EDNRB: variants seen among roughly 807,000 people sequenced by gnomAD.
EDNRB encodes Hirschsprung disease 2.
Under a neutral mutation model 46.4 loss-of-function variants are expected in EDNRB, and 18 were observed. The observed-to-expected ratio is 0.39, with a 90% CI of 0.27 to 0.57. EDNRB has a LOEUF of 0.57. EDNRB is among the 20% of genes least tolerant of loss of function. EDNRB has a pLI of 0.61. For missense variants in EDNRB, 434 were observed against 537.5 expected (o/e 0.81, Z 1.90); for synonymous variants, 213 against 204.9 (o/e 1.04, Z -0.34).
chr13:77,919,475 G>T, upstream of EDNRB: 1 of 1,612,856 alleles, frequency 6.2e-7, no homozygotes, highest in South Asian at 1.1e-5. Context: ...CTGGGTTCCA[G>T]CCTGCTCTGG....
intron 1 of EDNRB, among the ~76,000 whole-genome samples, chr13:77,946,569 G>A (rs750284655): frequency 2.9e-4 from 44 of 150,862 alleles, no homozygotes; most frequent in Non-Finnish European, 5.9e-4. Context: ...TATTATAAGA[G>A]AAAAAAAAAC....
At chr13:77,904,709 A>T (rs1566308400) in intron 1 of EDNRB, among the ~76,000 whole-genome samples, 1 of 151,956 alleles carries the variant, frequency 6.6e-6, no homozygotes, top group Admixed American at 6.6e-5. Context: ...TTTCTTTCTT[A>T]GGACAATATG....
At chr13:77,968,019 G>A (rs924085524) in intron 1 of EDNRB, among the ~76,000 whole-genome samples, 2 of 152,088 alleles carry the variant, frequency 1.3e-5, no homozygotes, top group African/African-American at 4.8e-5. Context: ...AACAGTTTAA[G>A]TTTATTCCCT....
chr13:77,968,009 A>T (rs553344688), intron 1 of EDNRB, among the ~76,000 whole-genome samples: 22 of 152,168 alleles, frequency 1.4e-4, no homozygotes, highest in Non-Finnish European at 2.5e-4. Context: ...GTGTGCCATG[A>T]ACAGTTTAAG....
intron 1 of EDNRB, among the ~76,000 whole-genome samples, chr13:77,966,539 A>G (rs1055475267): frequency 5.9e-5 from 9 of 152,230 alleles, no homozygotes; most frequent in Admixed American, 5.9e-4. Flanking sequence ...TAATTCTTAC[A>G]GGCATTTCTC....
At chr13:77,955,384 T>C (rs936376268) in intron 1 of EDNRB, among the ~76,000 whole-genome samples, 4 of 152,232 alleles carry the variant, frequency 2.6e-5, no homozygotes, top group Admixed American at 2.0e-4. Flanking sequence ...CCTTATCAGA[T>C]ATATGATTTG....
chr13:77,929,918 A>G (rs1032895973), intron 1 of EDNRB, among the ~76,000 whole-genome samples: 4 of 152,220 alleles, frequency 2.6e-5, no homozygotes, highest in African/African-American at 9.7e-5. Context: ...GTGATTGTCT[A>G]GGAAATGTCA....
Position 77,918,193 on chromosome 13 carries a change from G to A in EDNRB, c.381C>T (p.Tyr127=). ...GACCGTTTCGCATGCACTTGTTCTT[G>A]TAGATAATTCTCAGAAGTGTGGAGT... ...IGNSTLLRII[Y]KNKCMRNGPN... is the part of the protein sequence containing the mutation. Residue 127 remains tyrosine, a synonymous_variant, in exon 1 of 7, where the codon TAC becomes TAT. Coordinates refer to ENST00000646607, the MANE Select transcript of EDNRB (RefSeq NM_001122659.3). The surrounding 1 kb of genome is among the most constrained non-coding windows in gnomAD (Gnocchi z 4.5). 1.2e-6 allele frequency: 2 copies of A among 1,614,154 alleles called. No homozygotes were observed. Among genetic ancestry groups the A allele is most frequent in the South Asian group, 2.2e-5 (2 of 91,080 alleles).
intron 1 of EDNRB, among the ~76,000 whole-genome samples, chr13:77,950,985 G>A (rs771973864): frequency 1.3e-5 from 2 of 152,218 alleles, no homozygotes; most frequent in African/African-American, 2.4e-5. Flanking sequence ...AAGGATAAGA[G>A]AGGTTTTTAA....
At chr13:77,951,076 A>G (rs986590689) in intron 1 of EDNRB, among the ~76,000 whole-genome samples, 2 of 152,190 alleles carry the variant, frequency 1.3e-5, no homozygotes, top group African/African-American at 4.8e-5. Context: ...AGGTGAGCTG[A>G]GCCATGAATC....
chr13:77,927,882 T>C (rs1880281529), intron 1 of EDNRB, among the ~76,000 whole-genome samples: 1 of 152,172 alleles, frequency 6.6e-6, no homozygotes, highest in Admixed American at 6.5e-5. Flanking sequence ...AATTGAATCA[T>C]GGGGGTGAGT....
At chr13:77,915,466 G>A (rs900273628) in intron 1 of EDNRB, among the ~76,000 whole-genome samples, 2 of 152,198 alleles carry the variant, frequency 1.3e-5, no homozygotes, top group East Asian at 1.9e-4. Flanking sequence ...TGTGCAGTGG[G>A]ATGGGGTGGA....
intron 1 of EDNRB, among the ~76,000 whole-genome samples, chr13:77,929,955 T>G (rs1200678468): frequency 6.6e-6 from 1 of 152,218 alleles, no homozygotes; most frequent in African/African-American, 2.4e-5. Context: ...ATATATGTTC[T>G]GGTTTCTGGA....
chr13:77,958,156 AG>A (rs1222362569), intron 1 of EDNRB, among the ~76,000 whole-genome samples: 21 of 152,184 alleles, frequency 1.4e-4, no homozygotes, highest in Admixed American at 1.4e-3. Context: ...ACAATTGTAT[AG>A]GGAGTTCACA....
In EDNRB at chr13:77,900,579, T is replaced by C; in HGVS notation, c.1027A>G (p.Arg343Gly). The change falls in exon 5 of 7, where the codon AGG (arginine) becomes GGG (glycine). Residue 343 changes from arginine to glycine, a missense_variant. Coordinates refer to ENST00000646607, the MANE Select transcript of EDNRB (RefSeq NM_001122659.3). ...TTATAAAGAGTGAGCTTCAGAATCC[T>C]GCTGAGGTGAAGGGGAAGCCAGCAG... ...ALCWLPLHLS[R>G]ILKLTLYNQN... 1 of 1,612,672 alleles carries C rather than the reference T, an allele frequency of 6.2e-7. No homozygotes were observed. Among genetic ancestry groups the C allele is most frequent in the East Asian group, 2.2e-5 (1 of 44,816 alleles).
At chr13:77,951,410 T>C (rs1310457095) in intron 1 of EDNRB, among the ~76,000 whole-genome samples, 1 of 152,180 alleles carries the variant, frequency 6.6e-6, no homozygotes, top group Non-Finnish European at 1.5e-5. Flanking sequence ...TTATTGGCTG[T>C]AGCTGTTAAA....
At chr13:77,926,305 A>G (rs534470833) in intron 1 of EDNRB, among the ~76,000 whole-genome samples, 21 of 152,112 alleles carry the variant, frequency 1.4e-4, no homozygotes, top group Non-Finnish European at 2.8e-4. Flanking sequence ...CAGGCTGCAA[A>G]TTTTCTAAAC....
At chr13:77,971,411 G>T (rs985919046) in intron 1 of EDNRB, among the ~76,000 whole-genome samples, 6 of 152,180 alleles carry the variant, frequency 3.9e-5, no homozygotes, top group Non-Finnish European at 7.3e-5. Context: ...TTAGACATGG[G>T]GGCCAGCCTT....
At chr13:77,945,894 C>CA (rs1049862334) in intron 1 of EDNRB, among the ~76,000 whole-genome samples, 30 of 108,398 alleles carry the variant, frequency 2.8e-4, no homozygotes, top group East Asian at 1.1e-3. Flanking sequence ...AAAAAAAAAA[C>CA]AAAAAAAACA....
Sources: allele counts gnomAD v4.1 joint callset (sites outside exome capture counted in the v4.1 genomes callset), GRCh38; gene constraint gnomAD v4.1.1; non-coding constraint Gnocchi (gnomAD v3.1); transcripts MANE v1.5; gene names NCBI Gene and HGNC (gene_info 2026-07-23, HGNC 2026-07-21).